KPNA3: variants seen among roughly 807,000 people sequenced by gnomAD.
KPNA3 encodes karyopherin subunit alpha 3.
Under a neutral mutation model 73.8 loss-of-function variants are expected in KPNA3, and 13 were observed. That is an observed-to-expected ratio of 0.18 (90% CI 0.11 to 0.28). KPNA3 has a LOEUF of 0.28. KPNA3 is among the 10% of genes least tolerant of loss of function. The pLI, the probability that KPNA3 is intolerant of heterozygous loss-of-function variation, is 1.00. For synonymous variants in KPNA3, 186 were observed against 206.9 expected, an observed-to-expected ratio of 0.90 and a Z score of 0.87; for missense variants, 360 against 618.1, an observed-to-expected ratio of 0.58 and a Z score of 4.43.
chr13:49,722,161 A>G (rs751485285), intron 8 of KPNA3, 37 bp from the exon 9 acceptor site: 1 of 1,373,184 alleles, frequency 7.3e-7, no homozygotes, highest in South Asian at 1.7e-5. Flanking sequence ...AAAAACTTAC[A>G]TTCAGGATGA....
At chr13:49,770,372 C>G (rs1053873424) in intron 1 of KPNA3, among the ~76,000 whole-genome samples, 4 of 151,842 alleles carry the variant, frequency 2.6e-5, no homozygotes, top group Non-Finnish European at 4.4e-5. Flanking sequence ...GACGAGGTCT[C>G]ACTACACTGT....
intron 5 of KPNA3, 27 bp from the exon 6 acceptor site, chr13:49,732,493 T>C: frequency 6.7e-7 from 1 of 1,493,358 alleles, no homozygotes; most frequent in East Asian, 2.3e-5. Flanking sequence ...GAGAAATTAA[T>C]TGCTATAATT....
chr13:49,770,801 C>T (rs1449218574), intron 1 of KPNA3, among the ~76,000 whole-genome samples: 1 of 149,146 alleles, frequency 6.7e-6, no homozygotes, highest in Non-Finnish European at 1.5e-5. Flanking sequence ...GTTTTGCCAC[C>T]CTTGCTGAAA....
At position 49,707,340 on chromosome 13, in the gene KPNA3, T is replaced by C. The variant is rs139319811; in HGVS notation, c.1033-968A>G. On this transcript the variant is annotated intron_variant, in intron 12 of 16. Coordinates refer to ENST00000261667, the MANE Select transcript of KPNA3 (RefSeq NM_002267.4). ...CCAACTGTGGTAAGTTGTTAATAATTGCTGAATCTGTGTTTAGAGTACATG... is the reference window on the plus strand; with the variant it reads ...CCAACTGTGGTAAGTTGTTAATAATCGCTGAATCTGTGTTTAGAGTACATG... Among the ~76,000 whole-genome samples the C allele has an allele frequency of 2.0e-5, 3 of 152,320 alleles. No homozygotes were observed. In the East Asian group the frequency reaches 5.8e-4, roughly 29 times the overall value.
intron 10 of KPNA3, among the ~76,000 whole-genome samples, chr13:49,716,144 A>G (rs1397854161): frequency 6.6e-6 from 1 of 152,162 alleles, no homozygotes; most frequent in African/African-American, 2.4e-5. Flanking sequence ...CTGAAACTGC[A>G]AATACTTGTA....
In KPNA3 at chr13:49,762,013, G is replaced by A. The variant is rs556305512; in HGVS notation, c.70-15020C>T. On this transcript the variant is annotated intron_variant, in intron 1 of 16. Transcript: ENST00000261667. ...AGCCCCTCCGCCCAGCAGCCGCCCC[G>A]TCTGTGAAGTGAGGAGCCCCTCCGC... Among the ~76,000 whole-genome samples, 85 of 121,164 alleles carry A rather than the reference G, an allele frequency of 7.0e-4. 1 individual carries two copies. Among genetic ancestry groups the A allele is most frequent in the South Asian group, 4.9e-3 (20 of 4,088 alleles). 79.5% of individuals were successfully genotyped at this position (121,164 alleles called of 152,430 possible).
intron 1 of KPNA3, among the ~76,000 whole-genome samples, chr13:49,788,716 TC>T (rs1307767034): frequency 1.9e-4 from 18 of 95,960 alleles, no homozygotes; most frequent in African/African-American, 4.5e-4. Context: ...AGCCAGACCC[TC>T]TTTTTTTTTT....
chr13:49,724,732 G>T (rs912357983), intron 7 of KPNA3, among the ~76,000 whole-genome samples: 1 of 152,128 alleles, frequency 6.6e-6, no homozygotes. Flanking sequence ...GAGTAGGTGC[G>T]ACTATAGGCA....
intron 6 of KPNA3, among the ~76,000 whole-genome samples, chr13:49,729,395 A>C (rs1327911460): frequency 6.6e-6 from 1 of 152,218 alleles, no homozygotes; most frequent in Non-Finnish European, 1.5e-5. Flanking sequence ...AAATGTAAAA[A>C]ATAAAATTAT....
At chr13:49,713,848 C>T (rs1318554787) in intron 10 of KPNA3, among the ~76,000 whole-genome samples, 8 of 152,058 alleles carry the variant, frequency 5.3e-5, no homozygotes, top group Admixed American at 3.9e-4. Flanking sequence ...GGATTACAGG[C>T]GCGTGCCATC....
chr13:49,774,446 A>G (rs1454483383), intron 1 of KPNA3, among the ~76,000 whole-genome samples: 1 of 152,020 alleles, frequency 6.6e-6, no homozygotes, highest in African/African-American at 2.4e-5. Flanking sequence ...GAACTTTTAG[A>G]TTTCTCTTTT....
intron 1 of KPNA3, among the ~76,000 whole-genome samples, chr13:49,783,451 T>G (rs1404678696): frequency 1.3e-5 from 2 of 151,844 alleles, no homozygotes; most frequent in African/African-American, 4.8e-5. Flanking sequence ...CTCGGGGGGG[T>G]TGGCTCCAGA....
At chr13:49,731,838 A>G (rs1384569386) in intron 6 of KPNA3, among the ~76,000 whole-genome samples, 1 of 152,176 alleles carries the variant, frequency 6.6e-6, no homozygotes, top group Non-Finnish European at 1.5e-5. Context: ...CTCCTGGGTA[A>G]ATATAACCTG....
In KPNA3 at chr13:49,719,822, G is replaced by A. The variant is rs752516166; in HGVS notation, c.727-3C>T. 6.4e-7 allele frequency: 1 copy of A among 1,568,422 alleles called. No individual in the cohort carries two copies. Among genetic ancestry groups the A allele is most frequent in the Non-Finnish European group, 8.8e-7 (1 of 1,140,386 alleles). ...AGGACACATAAAGCTGGCAAAATCTGAGGAAAGAAAATAAACAATACTTAA... is the reference window on the plus strand; with the variant it reads ...AGGACACATAAAGCTGGCAAAATCTAAGGAAAGAAAATAAACAATACTTAA... On this transcript the variant is annotated splice_polypyrimidine_tract_variant and splice_region_variant and intron_variant, in intron 9 of 16. Transcript: ENST00000261667.
At chr13:49,752,914 C>T (rs982282524) in intron 1 of KPNA3, among the ~76,000 whole-genome samples, 2 of 149,342 alleles carry the variant, frequency 1.3e-5, no homozygotes, top group Non-Finnish European at 3.0e-5. Context: ...GTAGTCCCAG[C>T]TACTCGGGAG....
At chr13:49,767,544 G>A (rs1334918419) in intron 1 of KPNA3, among the ~76,000 whole-genome samples, 1 of 152,114 alleles carries the variant, frequency 6.6e-6, no homozygotes, top group African/African-American at 2.4e-5. Flanking sequence ...GTGTGTGAAA[G>A]AGTATCAAAT....
At chr13:49,764,142 GT>G (rs564790825) in intron 1 of KPNA3, among the ~76,000 whole-genome samples, 3 of 67,912 alleles carry the variant, frequency 4.4e-5, no homozygotes, top group Non-Finnish European at 9.7e-5. Flanking sequence ...GTTTTGTTTT[GT>G]TTTTTTGAGA....
Position 49,700,883 on chromosome 13 carries a change from T to C in KPNA3, c.*917A>G, listed in dbSNP as rs933524887. On this transcript the variant is annotated 3_prime_UTR_variant, in exon 17 of 17. Transcript: ENST00000261667. ...TTTAAAAAACATCACCAATGGGTAT[T>C]TTAGACTTTTGCAGTTTTTTTTTGT... The C allele has an allele frequency of 1.3e-5, 2 of 152,554 alleles. No homozygotes were observed. Among genetic ancestry groups the C allele is most frequent in the Non-Finnish European group, 2.9e-5 (2 of 68,046 alleles). 9.5% of individuals were successfully genotyped at this position (152,554 alleles called of 1,614,324 possible).
intron 1 of KPNA3, among the ~76,000 whole-genome samples, chr13:49,752,712 CTG>C (rs1269839176): frequency 6.6e-6 from 1 of 151,936 alleles, no homozygotes; most frequent in Non-Finnish European, 1.5e-5. Flanking sequence ...AAGAAAAAAA[CTG>C]TAATCAGAAA....
Sources: allele counts gnomAD v4.1 joint callset (sites outside exome capture counted in the v4.1 genomes callset), GRCh38; gene constraint gnomAD v4.1.1; transcripts MANE v1.5; gene names NCBI Gene and HGNC (gene_info 2026-07-23, HGNC 2026-07-21).